NEMF: variants seen among roughly 807,000 people sequenced by gnomAD.
NEMF encodes nuclear export mediator factor, also known as ribosome quality control complex subunit NEMF.
Under a neutral mutation model 162.2 loss-of-function variants are expected in NEMF, and 89 were observed. The observed-to-expected ratio is 0.55, with a 90% CI of 0.46 to 0.65. NEMF has a LOEUF of 0.65. Ranked by LOEUF, NEMF falls within the 30% of genes least tolerant of loss-of-function variation. The probability of loss-of-function intolerance (pLI) is 0.00; values close to 1 mark genes in which losing one functional copy is unlikely to be tolerated. For synonymous variants in NEMF, 421 were observed against 404.5 expected (o/e 1.04, Z -0.49); for missense variants, 1,133 against 1,261.9 (o/e 0.90, Z 1.55).
Position 49,804,070 on chromosome 14 carries a change from T to C in NEMF, c.1858-776A>G, listed in dbSNP as rs369023865. Among the ~76,000 whole-genome samples the C allele has an allele frequency of 3.3e-5, 5 of 151,408 alleles. No homozygotes were observed. In the East Asian group the frequency reaches 9.8e-4, roughly 30 times the overall value. ...CCCAGGCTGGAGTGCAGTGGCTTGA[T>C]CTTGGCTCACTGCAATCTCCACCTC... On this transcript the variant is annotated intron_variant, in intron 19 of 32. Coordinates refer to ENST00000298310, the MANE Select transcript of NEMF (RefSeq NM_004713.6).
At chr14:49,826,390 T>C (rs952277364) in intron 15 of NEMF, among the ~76,000 whole-genome samples, 10 of 152,138 alleles carry the variant, frequency 6.6e-5, no homozygotes, top group Middle Eastern at 3.4e-3. Flanking sequence ...TGGTGAGTGC[T>C]TCTAAAGATG....
chr14:49,792,931 T>C (rs371116350), intron 26 of NEMF, among the ~76,000 whole-genome samples: 5 of 152,014 alleles, frequency 3.3e-5, no homozygotes, highest in Admixed American at 6.6e-5. Flanking sequence ...CAGTGAGCCA[T>C]AACCACACCA....
intron 23 of NEMF, 39 bp from the exon 24 acceptor site, chr14:49,799,717 A>G (rs752143394): frequency 1.3e-6 from 2 of 1,523,808 alleles, no homozygotes; most frequent in Non-Finnish European, 1.8e-6. Context: ...ACTAGCCTGT[A>G]AAAGACATGC....
intron 16 of NEMF, among the ~76,000 whole-genome samples, chr14:49,822,428 G>A (rs1283549912): frequency 6.6e-6 from 1 of 151,750 alleles, no homozygotes; most frequent in African/African-American, 2.4e-5. Flanking sequence ...GGCTGAGGCA[G>A]GAGAATCCCT....
At chr14:49,808,395 G>C (rs896686480) in intron 18 of NEMF, among the ~76,000 whole-genome samples, 2 of 151,644 alleles carry the variant, frequency 1.3e-5, no homozygotes, top group African/African-American at 4.9e-5. Context: ...GGCTGGTCTC[G>C]AACTCTTGAC....
At chr14:49,851,938 A>G (rs574051032) in intron 1 of NEMF, 63 bp from the exon 2 acceptor site, 2 of 1,013,322 alleles carry the variant, frequency 2.0e-6, no homozygotes, top group Admixed American at 5.0e-5. Flanking sequence ...AACTACACAT[A>G]ATTTAATAAA....
Position 49,814,615 on chromosome 14 carries a change from A to T in NEMF, c.1681+139T>A, listed in dbSNP as rs183708587. 394 of 562,104 alleles carry T rather than the reference A, an allele frequency of 7.0e-4. 3 individuals carry two copies. The East Asian group carries it at 0.011, about 15-fold the overall frequency. The allele number at this position is 562,104 out of a possible 1,614,324, so 34.8% of individuals were successfully genotyped here. ...CATCAAAACACATATGCAACAAACC[A>T]TGAAGCATCATGCATCAAATCTTTC... On this transcript the variant is annotated intron_variant, in intron 17 of 32. Transcript: ENST00000298310.
chr14:49,852,671 G>A, intron 1 of NEMF, 24 bp downstream of exon 1: 2 of 1,613,686 alleles, frequency 1.2e-6, no homozygotes, highest in Non-Finnish European at 1.7e-6. Flanking sequence ...CCCCACACGA[G>A]CCTCGTCACT....
intron 10 of NEMF, 80 bp downstream of exon 10, chr14:49,831,971 G>T: frequency 1.1e-6 from 1 of 898,472 alleles, no homozygotes. Flanking sequence ...TATAGTTTCA[G>T]TTTCTCAATA....
At chr14:49,833,048 T>C (rs926667013) in intron 8 of NEMF, among the ~76,000 whole-genome samples, 4 of 152,090 alleles carry the variant, frequency 2.6e-5, no homozygotes, top group African/African-American at 9.7e-5. Flanking sequence ...GGCGGATCAC[T>C]TGAGGTCAGG....
At chr14:49,802,315 A>G in intron 22 of NEMF, 138 bp downstream of exon 22, 1 of 841,316 alleles carries the variant, frequency 1.2e-6, no homozygotes, top group Non-Finnish European at 1.8e-6. Flanking sequence ...AAATTCAGTA[A>G]AACAGCACGT....
intron 1 of NEMF, 134 bp downstream of exon 1, chr14:49,852,561 C>A: frequency 1.1e-6 from 1 of 907,760 alleles, no homozygotes; most frequent in South Asian, 1.5e-5. Context: ...CACGCCTGCC[C>A]ACTCAGGCCT....
intron 29 of NEMF, chr14:49,785,535 C>A: frequency 2.1e-6 from 1 of 475,920 alleles, no homozygotes; most frequent in Non-Finnish European, 3.8e-6. Flanking sequence ...TTTTGCCTAG[C>A]ATAATAAGTA....
chr14:49,800,980 C>T, intron 22 of NEMF: 1 of 340,066 alleles, frequency 2.9e-6, no homozygotes, highest in Non-Finnish European at 5.3e-6. Context: ...TGGGTATTTC[C>T]AAAAACCAAG....
At chr14:49,794,718 CTTT>C (rs10645758) in intron 26 of NEMF, among the ~76,000 whole-genome samples, 1 of 137,664 alleles carries the variant, frequency 7.3e-6, no homozygotes, top group Non-Finnish European at 1.5e-5. Context: ...ACTGCTACAG[CTTT>C]TTTTTTTTTT....
At chr14:49,819,694 C>T (rs940542160) in intron 16 of NEMF, among the ~76,000 whole-genome samples, 1 of 152,086 alleles carries the variant, frequency 6.6e-6, no homozygotes, top group African/African-American at 2.4e-5. Flanking sequence ...GGATTACAGG[C>T]GTGAGCCACC....
intron 18 of NEMF, among the ~76,000 whole-genome samples, chr14:49,812,345 T>A (rs189056914): frequency 6.6e-6 from 1 of 152,322 alleles, no homozygotes; most frequent in East Asian, 1.9e-4. Context: ...ATTTTGTTTA[T>A]CTTTTCAAAG....
At chr14:49,831,069 T>C (rs1372735546) in intron 11 of NEMF, among the ~76,000 whole-genome samples, 1 of 152,214 alleles carries the variant, frequency 6.6e-6, no homozygotes, top group Non-Finnish European at 1.5e-5. Context: ...GTATTTTCCT[T>C]TTTTTACAGA....
At chr14:49,802,128 T>C (rs1049010710) in intron 22 of NEMF, among the ~76,000 whole-genome samples, 7 of 151,872 alleles carry the variant, frequency 4.6e-5, no homozygotes, top group African/African-American at 1.7e-4. Flanking sequence ...GTGATTTTTT[T>C]GGTAGAGATG....
Sources: allele counts gnomAD v4.1 joint callset (sites outside exome capture counted in the v4.1 genomes callset), GRCh38; gene constraint gnomAD v4.1.1; transcripts MANE v1.5; gene names NCBI Gene and HGNC (gene_info 2026-07-23, HGNC 2026-07-21).